The following RAB11FIP4 variants were observed in gnomAD, a reference collection of about 807,000 sequenced individuals.
RAB11FIP4 encodes the protein rab11 family-interacting protein 4.
Under a neutral mutation model 74.3 loss-of-function variants are expected in RAB11FIP4, and 23 were observed. The ratio of observed to expected loss-of-function variants is 0.31; its 90% CI spans 0.22 to 0.44. The LOEUF (loss-of-function observed/expected upper bound fraction) is 0.44, where lower values mean the gene tolerates loss of function less well. Ranked by LOEUF, RAB11FIP4 falls within the 20% of genes least tolerant of loss-of-function variation. The pLI is 1.00. For synonymous variants in RAB11FIP4, 360 were observed against 359.9 expected (o/e 1.00, Z 0.00); for missense variants, 630 against 863.9 (o/e 0.73, Z 3.39).
intron 3 of RAB11FIP4, among the ~76,000 whole-genome samples, chr17:31,481,938 G>C (rs2071853929): frequency 6.6e-6 from 1 of 152,158 alleles, no homozygotes. Flanking sequence ...CCAGCCCCGG[G>C]GGCAGGCTGG....
At chr17:31,485,254 T>C (rs2142742909) in intron 3 of RAB11FIP4, among the ~76,000 whole-genome samples, 1 of 152,316 alleles carries the variant, frequency 6.6e-6, no homozygotes, top group Non-Finnish European at 1.5e-5. Context: ...TCTGTGGCCT[T>C]TCTCTGTCAC....
chr17:31,413,428 T>C (rs1032462845), intron 1 of RAB11FIP4, among the ~76,000 whole-genome samples: 4 of 151,866 alleles, frequency 2.6e-5, no homozygotes, highest in Non-Finnish European at 2.9e-5. Flanking sequence ...TGTCCTTCCA[T>C]AGGCCCCCCG....
intron 3 of RAB11FIP4, among the ~76,000 whole-genome samples, chr17:31,445,688 C>G (rs766688816): frequency 1.4e-5 from 2 of 147,756 alleles, no homozygotes; most frequent in African/African-American, 2.5e-5. Flanking sequence ...TGGGTTCAAA[C>G]GATTCTCCTG....
chr17:31,467,446 G>A (rs1016474704), intron 3 of RAB11FIP4, among the ~76,000 whole-genome samples: 3 of 152,058 alleles, frequency 2.0e-5, no homozygotes, highest in Non-Finnish European at 4.4e-5. Context: ...GAAAAAAACA[G>A]AAAGCAGTCT....
chr17:31,409,278 C>T (rs2071071135), intron 1 of RAB11FIP4, among the ~76,000 whole-genome samples: 1 of 152,202 alleles, frequency 6.6e-6, no homozygotes, highest in African/African-American at 2.4e-5. Flanking sequence ...ATAAAGACCA[C>T]CCCCTCTCCG....
rs369187192 is a variant in RAB11FIP4 at position 31,436,217 on chromosome 17, G to T, written c.336+2095G>T. The stretch of plus-strand genomic sequence containing the variant: ...TCAGTGTCCTCAACTGTAAAACAAG[G>T]CTTGCTGTGCCAATCTGGAGGGTCT... On this transcript the variant is annotated intron_variant, in intron 3 of 14. Transcript: ENST00000621161. Among the ~76,000 whole-genome samples the T allele has an allele frequency of 3.5e-3, 532 of 152,306 alleles. 4 individuals carry two copies. Among genetic ancestry groups the T allele is most frequent in the African/African-American group, 0.012 (507 of 41,570 alleles).
Position 31,525,142 on chromosome 17 carries a change from G to A in RAB11FIP4, c.1186G>A (p.Ala396Thr). ...VKDQETTAEQ[A>T]LEEEARRHRE... ...GGATCAGGAGACCACGGCCGAGCAG[G>A]CTCTGGAGGAGGAGGCGCGGCGCCA... Residue 396 changes from alanine to threonine, a missense_variant, in exon 10 of 15, where the codon GCT becomes ACT. Physicochemically the swap from Ala to Thr is moderately conservative, Grantham distance 58 (BLOSUM62 0). Transcript: ENST00000621161. 6.5e-7 allele frequency: 1 copy of A among 1,550,096 alleles called. No homozygotes were observed. Among genetic ancestry groups the A allele is most frequent in the South Asian group, 1.2e-5 (1 of 84,004 alleles).
chr17:31,494,035 A>G (rs2072066513), intron 3 of RAB11FIP4, among the ~76,000 whole-genome samples: 1 of 152,098 alleles, frequency 6.6e-6, no homozygotes, highest in South Asian at 2.1e-4. Flanking sequence ...GGGGTTGATA[A>G]TAGCACCTGC....
Position 31,513,898 on chromosome 17 carries a change from C to T in RAB11FIP4, c.337-3753C>T, listed in dbSNP as rs139372053. On this transcript the variant is annotated intron_variant, in intron 3 of 14. Coordinates refer to ENST00000621161, the MANE Select transcript of RAB11FIP4 (RefSeq NM_032932.6). ...GCAAGGTTCCAGGGCAGCCACTCTC[C>T]CACTCTGAGCCTCATCTTCCCCAGG... 1.5e-3 allele frequency among the ~76,000 whole-genome samples: 231 copies of T among 152,294 alleles called. 1 individual carries two copies. Among genetic ancestry groups the T allele is most frequent in the African/African-American group, 4.3e-3 (178 of 41,558 alleles).
chr17:31,502,930 G>A (rs1043426744), intron 3 of RAB11FIP4, among the ~76,000 whole-genome samples: 4 of 152,114 alleles, frequency 2.6e-5, no homozygotes, highest in African/African-American at 4.8e-5. Flanking sequence ...TTTCCTTTGC[G>A]TGTGTCCTAA....
At chr17:31,417,078 C>T (rs756443559) in intron 1 of RAB11FIP4, among the ~76,000 whole-genome samples, 4 of 151,728 alleles carry the variant, frequency 2.6e-5, no homozygotes, top group Non-Finnish European at 5.9e-5. Context: ...GCCCCCTCTC[C>T]CTCTCCTGTT....
chr17:31,510,693 G>C (rs2072436291), intron 3 of RAB11FIP4, among the ~76,000 whole-genome samples: 1 of 152,190 alleles, frequency 6.6e-6, no homozygotes, highest in South Asian at 2.1e-4. Context: ...CTGATGTTTG[G>C]AGGGCAGGCT....
intron 3 of RAB11FIP4, among the ~76,000 whole-genome samples, chr17:31,457,045 A>G (rs951181575): frequency 6.6e-6 from 1 of 152,154 alleles, no homozygotes. Flanking sequence ...GGCCTGTCTT[A>G]ATGCAGGCCA....
Position 31,536,750 on chromosome 17 carries a change from A to G in RAB11FIP4, c.*5018A>G. 1 of 374,014 alleles carries G rather than the reference A, an allele frequency of 2.7e-6. No homozygotes were observed. Among genetic ancestry groups the G allele is most frequent in the Non-Finnish European group, 4.7e-6 (1 of 210,750 alleles). The allele number at this position is 374,014 out of a possible 1,614,324, so 23.2% of individuals were successfully genotyped here. ...GCAGGAAGCGGGAGAGGCTGGAACCAGGAGCCTGCCCTACCTGCATGGCAG... is the reference window on the plus strand; with the variant it reads ...GCAGGAAGCGGGAGAGGCTGGAACCGGGAGCCTGCCCTACCTGCATGGCAG... On this transcript the variant is annotated 3_prime_UTR_variant, in exon 15 of 15. Transcript: ENST00000621161.
chr17:31,428,696 TG>T (rs1396629621), intron 1 of RAB11FIP4, among the ~76,000 whole-genome samples: 1 of 152,032 alleles, frequency 6.6e-6, no homozygotes, highest in Non-Finnish European at 1.5e-5. Context: ...CATCACTTGT[TG>T]AATAAGTGAG....
chr17:31,427,675 C>G (rs1286380853), intron 1 of RAB11FIP4, among the ~76,000 whole-genome samples: 1 of 152,230 alleles, frequency 6.6e-6, no homozygotes, highest in African/African-American at 2.4e-5. Flanking sequence ...AGAGCCCTGA[C>G]CTTGGAGAGG....
At chr17:31,473,214 G>T (rs2071756953) in intron 3 of RAB11FIP4, among the ~76,000 whole-genome samples, 1 of 151,982 alleles carries the variant, frequency 6.6e-6, no homozygotes, top group Non-Finnish European at 1.5e-5. Flanking sequence ...AGGGCTTTTA[G>T]CTGGGAAATG....
At chr17:31,415,813 C>A (rs1438773681) in intron 1 of RAB11FIP4, among the ~76,000 whole-genome samples, 1 of 152,128 alleles carries the variant, frequency 6.6e-6, no homozygotes, top group Non-Finnish European at 1.5e-5. Context: ...AGCCCCCCTG[C>A]GGACGGTCTC....
At chr17:31,428,903 C>G (rs2071279147) in intron 1 of RAB11FIP4, among the ~76,000 whole-genome samples, 1 of 152,052 alleles carries the variant, frequency 6.6e-6, no homozygotes, top group Non-Finnish European at 1.5e-5. Flanking sequence ...GATCATGCCA[C>G]TGCACTCCAG....
Sources: allele counts gnomAD v4.1 joint callset (sites outside exome capture counted in the v4.1 genomes callset), GRCh38; gene constraint gnomAD v4.1.1; transcripts MANE v1.5; gene names NCBI Gene and HGNC (gene_info 2026-07-23, HGNC 2026-07-21).